The following ZNF790 variants were observed in gnomAD, a reference collection of about 807,000 sequenced individuals.
The protein encoded by ZNF790 is zinc finger protein 790.
In ZNF790, 8 loss-of-function variants were observed where a neutral mutation model predicts 12.1. The observed-to-expected ratio is 0.66, with a 90% CI of 0.39 to 1.19. The LOEUF is 1.19. Among genes scored for constraint, ZNF790 ranks in the 50% most tolerant of loss-of-function variants. The pLI, the probability that ZNF790 is intolerant of heterozygous loss-of-function variation, is 0.01. For synonymous variants in ZNF790, 252 were observed against 244.3 expected (o/e 1.03, Z -0.29); for missense variants, 707 against 752.2 (o/e 0.94, Z 0.70).
In ZNF790 at chr19:36,817,838, T is replaced by C. The variant is rs2071580583; in HGVS notation, c.*595A>G. 1 of 152,182 alleles carries C rather than the reference T, an allele frequency of 6.6e-6. No individual in the cohort carries two copies. 9.4% of individuals were successfully genotyped at this position (152,182 alleles called of 1,614,324 possible). ...ATATAAATTCTTGTGGGTTTTTGTT[T>C]TTGAGATGGAGTCTTGTTCTATCAC... On this transcript the variant is annotated 3_prime_UTR_variant, in exon 5 of 5. Coordinates refer to ENST00000356725, the MANE Select transcript of ZNF790 (RefSeq NM_206894.4).
At chr19:36,848,806 T>C (rs1568345906) in intron 1 of ZNF790, among the ~76,000 whole-genome samples, 1 of 7,610 alleles carries the variant, frequency 1.3e-4, no homozygotes, top group Non-Finnish European at 5.1e-4. Flanking sequence ...TTTTTGGGGG[T>C]TTTTTGAGAC....
chr19:36,825,889 G>A (rs746389134), intron 1 of ZNF790, among the ~76,000 whole-genome samples, 197 bp from the exon 2 acceptor site: 1 of 152,088 alleles, frequency 6.6e-6, no homozygotes, highest in Non-Finnish European at 1.5e-5. Context: ...ATCTGGATCA[G>A]GATACTACTA....
At chr19:36,823,865 G>A in intron 2 of ZNF790, 75 bp from the exon 3 acceptor site, 1 of 1,358,092 alleles carries the variant, frequency 7.4e-7, no homozygotes, top group Non-Finnish European at 9.9e-7. Context: ...GATGAAAGGG[G>A]AAAGGCTGGA....
rs760619174 is a variant in ZNF790, at chr19:36,823,674, G to A, written c.126C>T (p.Val42=). ...DVMLENYSNM[V]SLGFCIYQPE... is the part of the protein sequence containing the mutation. ...GAAAATGCTGAATCTTACCCAGTGA[G>A]ACCATGTTGCTGTAGTTCTCCAACA... Residue 42 remains valine, a synonymous_variant, in exon 3 of 5, where the codon GTC becomes GTT. Coordinates refer to ENST00000356725, the MANE Select transcript of ZNF790 (RefSeq NM_206894.4). 3.1e-6 allele frequency: 5 copies of A among 1,606,812 alleles called. No homozygotes were observed. Among genetic ancestry groups the A allele is most frequent in the Non-Finnish European group, 4.2e-6 (5 of 1,178,444 alleles).
At chr19:36,821,115 G>C (rs1183159783) in intron 4 of ZNF790, among the ~76,000 whole-genome samples, 1 of 141,470 alleles carries the variant, frequency 7.1e-6, no homozygotes, top group Admixed American at 7.9e-5. Flanking sequence ...AAGGGAGAAG[G>C]AGTCTGGCAC....
In ZNF790 at chr19:36,823,734, C is replaced by T. The variant is rs151032470; in HGVS notation, c.66G>A (p.Leu22=). 3.1e-6 allele frequency: 5 copies of T among 1,613,482 alleles called. No individual in the cohort carries two copies. The highest frequency in any genetic ancestry group is 1.3e-5 in the African/African-American group (1 of 75,002). Residue 22 remains leucine, a synonymous_variant, in exon 3 of 5, where the codon CTG becomes CTA. Transcript: ENST00000356725. The part of the protein sequence containing the change: ...VDFSQEEWEC[L]DLEQRDLYRD... The stretch of plus-strand genomic sequence containing the variant: ...TATATAAATCCCTCTGTTCCAGGTC[C>T]AGGCACTCCCACTCCTCCTGAGAGA...
At chr19:36,832,441 C>T (rs574805082) in intron 1 of ZNF790, among the ~76,000 whole-genome samples, 1 of 152,258 alleles carries the variant, frequency 6.6e-6, no homozygotes, top group African/African-American at 2.4e-5. Flanking sequence ...CCAGCTTATG[C>T]GTTCTTGCTG....
Position 36,823,654 on chromosome 19 carries a change from T to C in ZNF790, c.133+13A>G. 6.3e-7 allele frequency: 1 copy of C among 1,596,642 alleles called. No homozygotes were observed. The highest frequency in any genetic ancestry group is 1.2e-5 in the South Asian group (1 of 86,886). On this transcript the variant is annotated intron_variant, in intron 3 of 4. Transcript: ENST00000356725. ...AGAAAGCAGGAATTTCTAAGGAAAA[T>C]GCTGAATCTTACCCAGTGAGACCAT...
At chr19:36,845,998 G>T (rs372349732) in intron 1 of ZNF790, among the ~76,000 whole-genome samples, 3 of 151,998 alleles carry the variant, frequency 2.0e-5, no homozygotes, top group African/African-American at 7.2e-5. Flanking sequence ...TATCAGAGAC[G>T]GCGTTTCACC....
rs956069931 is a variant in ZNF790 at position 36,818,228 on chromosome 19, A to G, written c.*205T>C. The G allele has an allele frequency of 4.1e-5, 17 of 413,360 alleles. No homozygotes were observed. The highest frequency in any genetic ancestry group is 2.6e-4 in the East Asian group (7 of 26,820). 25.6% of individuals were successfully genotyped at this position (413,360 alleles called of 1,614,324 possible). A position where few individuals can be genotyped will look rare whatever the true frequency, so the allele number is the denominator to read the frequency against. ...TAAAATTTTACCCTGATATTCTGCA[A>G]TTGATAACTGATCAGTAATTTCTTT... On this transcript the variant is annotated 3_prime_UTR_variant, in exon 5 of 5. Transcript: ENST00000356725.
At chr19:36,821,425 C>T (rs1362684112) in intron 4 of ZNF790, among the ~76,000 whole-genome samples, 1 of 151,994 alleles carries the variant, frequency 6.6e-6, no homozygotes, top group Non-Finnish European at 1.5e-5. Flanking sequence ...CATCACTTTG[C>T]AGAGGTTTGT....
chr19:36,823,701 C>A lies in ZNF790; in HGVS notation c.99G>T (p.Val33=), dbSNP rs752422620. ...DLEQRDLYRD[V]MLENYSNMVS... is the part of the protein sequence containing the mutation. The stretch of plus-strand genomic sequence containing the variant: ...CCATGTTGCTGTAGTTCTCCAACAT[C>A]ACATCTCTATATAAATCCCTCTGTT... The change falls in exon 3 of 5, where the codon GTG becomes GTT. Residue 33 remains valine (V), a synonymous_variant. Transcript: ENST00000356725. 5.6e-6 allele frequency: 9 copies of A among 1,611,332 alleles called. No individual in the cohort carries two copies. Among genetic ancestry groups the A allele is most frequent in the Non-Finnish European group, 7.6e-6 (9 of 1,179,412 alleles).
At chr19:36,841,088 A>C (rs1159288669), upstream of ZNF790, among the ~76,000 whole-genome samples, 2 of 152,228 alleles carry the variant, frequency 1.3e-5, no homozygotes, top group Admixed American at 1.3e-4. Context: ...TTTTTCAACC[A>C]GAGGTGATTT....
rs2071781864 is a variant in ZNF790 at position 36,825,679 on chromosome 19, CT to C, written c.-61del. ...GATTCTTTCTTGGTGAGGCAGCGTGCTGGGAAAGCAGAGCTAGAAGGAAAGA... is the reference window on the plus strand; with the variant it reads ...GATTCTTTCTTGGTGAGGCAGCGTGCGGGAAAGCAGAGCTAGAAGGAAAGA... On this transcript the variant is annotated 5_prime_UTR_variant, in exon 2 of 5. Coordinates refer to ENST00000356725, the MANE Select transcript of ZNF790 (RefSeq NM_206894.4). The C allele has an allele frequency of 2.5e-6, 4 of 1,587,554 alleles. No individual in the cohort carries two copies. Among genetic ancestry groups the C allele is most frequent in the Non-Finnish European group, 8.7e-7 (1 of 1,155,996 alleles).
chr19:36,841,626 T>A (rs535418077), upstream of ZNF790, among the ~76,000 whole-genome samples: 14 of 148,784 alleles, frequency 9.4e-5, no homozygotes, highest in East Asian at 4.0e-4. Context: ...TCTCAAAAAA[T>A]ATATATATAT....
chr19:36,846,614 T>C (rs554630722), intron 1 of ZNF790, among the ~76,000 whole-genome samples: 4 of 152,160 alleles, frequency 2.6e-5, no homozygotes, highest in South Asian at 2.1e-4. Context: ...AATACAATGG[T>C]TGACAGGAAC....
chr19:36,845,604 G>A (rs1253460604), intron 1 of ZNF790, among the ~76,000 whole-genome samples: 9 of 152,152 alleles, frequency 5.9e-5, no homozygotes, highest in Admixed American at 5.9e-4. Flanking sequence ...TCCTCTAGCA[G>A]TATTGGGGAA....
chr19:36,846,438 G>T (rs182460766), intron 1 of ZNF790, among the ~76,000 whole-genome samples: 1 of 152,104 alleles, frequency 6.6e-6, no homozygotes, highest in Non-Finnish European at 1.5e-5. Context: ...GGTGGCAGGC[G>T]CCTGCAGTCC....
intron 1 of ZNF790, among the ~76,000 whole-genome samples, chr19:36,844,421 A>G (rs2072158877): frequency 6.6e-6 from 1 of 152,158 alleles, no homozygotes; most frequent in South Asian, 2.1e-4. Flanking sequence ...TGATCCTGGC[A>G]TTAGAGTAAG....
Sources: allele counts gnomAD v4.1 joint callset (sites outside exome capture counted in the v4.1 genomes callset), GRCh38; gene constraint gnomAD v4.1.1; transcripts MANE v1.5; gene names NCBI Gene and HGNC (gene_info 2026-07-23, HGNC 2026-07-21).